Variants in BICD1 observed in about 807,000 individuals in gnomAD.
The protein encoded by BICD1 is BICD cargo adaptor 1.
In BICD1, 35 loss-of-function variants were observed where a neutral mutation model predicts 92.5. That is an observed-to-expected ratio of 0.38 (90% CI 0.29 to 0.50). BICD1 has a LOEUF of 0.50. Ranked by LOEUF, BICD1 falls within the 20% of genes least tolerant of loss-of-function variation. The pLI, the probability that BICD1 is intolerant of heterozygous loss-of-function variation, is 0.93. For synonymous variants in BICD1, 429 were observed against 465.1 expected (o/e 0.92, Z 1.00); for missense variants, 950 against 1,189.8 (o/e 0.80, Z 2.97).
At chr12:32,109,545 T>C (rs1941611244) in intron 1 of BICD1, 1 of 151,954 alleles carries the variant, frequency 6.6e-6, no homozygotes, top group South Asian at 2.1e-4. Context: ...TTTTAATATA[T>C]ATTTTGTTCT....
intron 4 of BICD1, among the ~76,000 whole-genome samples, chr12:32,310,009 T>A (rs897090310): frequency 3.3e-5 from 5 of 152,176 alleles, no homozygotes; most frequent in Admixed American, 1.3e-4. Context: ...GGCCGCCTTG[T>A]GCCTCTAATC....
At chr12:32,228,013 T>G (rs1423455524) in intron 2 of BICD1, 1 of 244,340 alleles carries the variant, frequency 4.1e-6, no homozygotes, top group Non-Finnish European at 9.0e-6. Flanking sequence ...AGGTAGACGA[T>G]GCCTTTCTTG....
At chr12:32,146,652 C>A (rs958034515) in intron 1 of BICD1, among the ~76,000 whole-genome samples, 7 of 152,104 alleles carry the variant, frequency 4.6e-5, no homozygotes, top group Admixed American at 6.5e-5. Flanking sequence ...GAGTGCCAGG[C>A]CTCAGAGCAG....
chr12:32,165,304 A>T (rs112584462), intron 1 of BICD1, among the ~76,000 whole-genome samples: 17,262 of 152,170 alleles, frequency 0.11, 1,159 homozygotes, highest in South Asian at 0.2. Flanking sequence ...TCACGAGGTC[A>T]GGAGATTGAG....
intron 4 of BICD1, among the ~76,000 whole-genome samples, chr12:32,316,936 A>G (rs1948520332): frequency 1.3e-5 from 2 of 151,976 alleles, no homozygotes; most frequent in African/African-American, 4.8e-5. Context: ...ATTCCCACCT[A>G]TGAGTGAGAA....
intron 2 of BICD1, among the ~76,000 whole-genome samples, chr12:32,225,997 C>T (rs1945677265): frequency 1.3e-5 from 2 of 152,180 alleles, no homozygotes. Flanking sequence ...ATTTGCATTT[C>T]ACTATTGACT....
At chr12:32,362,291 C>T (rs1044702242) in intron 8 of BICD1, among the ~76,000 whole-genome samples, 4 of 152,072 alleles carry the variant, frequency 2.6e-5, no homozygotes, top group Admixed American at 2.0e-4. Context: ...ACCCGCGAGG[C>T]GGAGGTTGCA....
At chr12:32,190,503 A>C (rs1223314919) in intron 1 of BICD1, among the ~76,000 whole-genome samples, 1 of 152,264 alleles carries the variant, frequency 6.6e-6, no homozygotes, top group African/African-American at 2.4e-5. Flanking sequence ...GAAGACAAAG[A>C]AGATCACTAT....
At chr12:32,208,411 G>T (rs1283579916) in intron 1 of BICD1, among the ~76,000 whole-genome samples, 1 of 152,192 alleles carries the variant, frequency 6.6e-6, no homozygotes, top group Non-Finnish European at 1.5e-5. Flanking sequence ...CCATTTTACA[G>T]ATGAAAAAAT....
chr12:32,348,790 A>T (rs1017567990), intron 8 of BICD1, among the ~76,000 whole-genome samples: 7 of 111,568 alleles, frequency 6.3e-5, no homozygotes, highest in Admixed American at 4.5e-4. Context: ...CAGCAGGCAG[A>T]TACTCAAGCT....
intron 8 of BICD1, chr12:32,340,170 TG>T (rs1189991209): frequency 1.0e-6 from 1 of 985,284 alleles, no homozygotes; most frequent in African/African-American, 1.7e-5. Context: ...ATCTGATTCA[TG>T]AAGTCAGCCT....
chr12:32,305,886 A>T lies in BICD1; in HGVS notation c.769A>T (p.Ser257Cys). 5 of 1,614,230 alleles carry T rather than the reference A, an allele frequency of 3.1e-6. No homozygotes were observed. The highest frequency in any genetic ancestry group is 4.2e-6 in the Non-Finnish European group (5 of 1,180,042). The change falls in exon 4 of 10, where the codon AGC (serine) becomes TGC (cysteine). Residue 257 changes from serine to cysteine, a missense_variant. By Grantham distance (112) the Ser-to-Cys change is moderately radical. Around this residue, in one of 5 missense-constraint regions of BICD1, gnomAD observed 246 missense variants for 258.4 expected, o/e 0.95. Transcript: ENST00000652176. Reference sequence around the variant, plus strand: ...GCGGAAGGAGCTCTCCCAGTATATCAGCCTCAATGATAACCATATCAGCAT... The same window carrying T: ...GCGGAAGGAGCTCTCCCAGTATATCTGCCTCAATGATAACCATATCAGCAT... ...NLRKELSQYI[S>C]LNDNHISISV...
At chr12:32,141,637 C>A (rs2121368471) in intron 1 of BICD1, among the ~76,000 whole-genome samples, 1 of 152,274 alleles carries the variant, frequency 6.6e-6, no homozygotes, top group Admixed American at 6.5e-5. Flanking sequence ...CTACGCCCAG[C>A]TAATTTTTCT....
chr12:32,188,305 T>G (rs949828420), intron 1 of BICD1, among the ~76,000 whole-genome samples: 3 of 152,190 alleles, frequency 2.0e-5, no homozygotes. Context: ...AGTCTAGGTA[T>G]TTTTCCAACT....
chr12:32,373,042 T>C (rs564815017), intron 9 of BICD1, among the ~76,000 whole-genome samples: 1 of 152,260 alleles, frequency 6.6e-6, no homozygotes, highest in East Asian at 1.9e-4. Context: ...TAGAGTTGTT[T>C]GGTATTTAGC....
intron 1 of BICD1, among the ~76,000 whole-genome samples, chr12:32,139,307 G>C (rs1366766843): frequency 6.6e-6 from 1 of 152,112 alleles, no homozygotes; most frequent in African/African-American, 2.4e-5. Context: ...CTGTAAATTT[G>C]TCTGAGAATT....
At chr12:32,200,114 A>G (rs1350885793) in intron 1 of BICD1, among the ~76,000 whole-genome samples, 2 of 152,254 alleles carry the variant, frequency 1.3e-5, no homozygotes, top group African/African-American at 2.4e-5. Context: ...CCAAGATGGA[A>G]GAAAGTATAA....
intron 1 of BICD1, among the ~76,000 whole-genome samples, chr12:32,135,996 G>A (rs1244882326): frequency 6.6e-6 from 1 of 152,148 alleles, no homozygotes; most frequent in East Asian, 1.9e-4. Context: ...TAACAGTATA[G>A]GACTGATGTT....
chr12:32,151,177 G>A (rs1005343968), intron 1 of BICD1, among the ~76,000 whole-genome samples: 1 of 152,178 alleles, frequency 6.6e-6, no homozygotes, highest in East Asian at 1.9e-4. Context: ...TACAAAGCTG[G>A]AAACAGTGGA....
Sources: gnomAD v4.1 joint callset for allele counts (sites outside exome capture counted in the v4.1 genomes callset) on GRCh38, gnomAD v4.1.1 for gene constraint, gnomAD v4.1.1 regional missense constraint, MANE v1.5 for transcripts, NCBI Gene and HGNC (gene_info 2026-07-23, HGNC 2026-07-21) for gene names.